OR4N2: variants seen among roughly 807,000 people sequenced by gnomAD.
OR4N2 encodes the protein olfactory receptor family 4 subfamily N member 2, also known as olfactory receptor 4N2.
For missense variants in OR4N2, 307 were observed against 377.6 expected (o/e 0.81, Z 1.55); for synonymous variants, 141 against 140.4 (o/e 1.00, Z -0.03).
At chr14:19,821,366 G>C (rs1430094852) in intron 1 of OR4N2, among the ~76,000 whole-genome samples, 8 of 152,182 alleles carry the variant, frequency 5.3e-5, no homozygotes, top group Non-Finnish European at 1.0e-4. Context: ...TTGCAGACCA[G>C]AGTTGCTCTT....
intron 1 of OR4N2, among the ~76,000 whole-genome samples, chr14:19,814,701 T>C (rs1345759981): frequency 1.3e-5 from 2 of 152,240 alleles, no homozygotes; most frequent in Non-Finnish European, 2.9e-5. Context: ...CTTTAAGTTC[T>C]GGGATACATG....
intron 1 of OR4N2, among the ~76,000 whole-genome samples, chr14:19,827,023 A>T (rs1359929426): frequency 6.6e-6 from 1 of 152,258 alleles, no homozygotes; most frequent in African/African-American, 2.4e-5. Context: ...GTGGACAAGG[A>T]GAAAAAGGGT....
intron 1 of OR4N2, among the ~76,000 whole-genome samples, chr14:19,818,883 C>T (rs1879493107): frequency 6.6e-6 from 1 of 152,216 alleles, no homozygotes; most frequent in Admixed American, 6.5e-5. Flanking sequence ...CTGGTGGTGA[C>T]AAAAATCTGT....
chr14:19,828,165 G>A lies in OR4N2; in HGVS notation c.717G>A (p.Thr239=), dbSNP rs578073203. 9.1e-5 allele frequency: 147 copies of A among 1,614,166 alleles called. No homozygotes were observed. The Middle Eastern group carries it at 2.6e-3, about 29-fold the overall frequency. ...AGGCAAAAAACAAGGCCATGTCCAC[G>A]TGCATCACCCATATCATTGTTATAT... The part of the protein sequence containing the change: ...SSEAKNKAMS[T]CITHIIVIFF... Residue 239 remains threonine, a synonymous_variant, in exon 2 of 2, where the codon ACG becomes ACA. Coordinates refer to ENST00000557677, the MANE Select transcript of OR4N2 (RefSeq NM_001004723.3).
intron 1 of OR4N2, chr14:19,822,416 A>T (rs1484990551): frequency 6.6e-6 from 1 of 152,264 alleles, no homozygotes; most frequent in Non-Finnish European, 1.5e-5. Context: ...TTTGCAGAAG[A>T]TAAGTCCTTG....
chr14:19,821,165 T>C (rs1879555940), intron 1 of OR4N2, among the ~76,000 whole-genome samples: 1 of 152,374 alleles, frequency 6.6e-6, no homozygotes, highest in Admixed American at 6.5e-5. Context: ...CTCTCACGGC[T>C]TCCCTTGGCT....
At chr14:19,809,768 T>C (rs998286355) in intron 1 of OR4N2, among the ~76,000 whole-genome samples, 1 of 152,218 alleles carries the variant, frequency 6.6e-6, no homozygotes, top group Non-Finnish European at 1.5e-5. Context: ...TTCTATTCAA[T>C]AAATGGTGCT....
chr14:19,824,876 A>G (rs72663745), intron 1 of OR4N2, among the ~76,000 whole-genome samples: 41,954 of 148,786 alleles, frequency 0.28, 2,952 homozygotes, highest in African/African-American at 0.32. Context: ...CAGATCAACA[A>G]TAATCATTAG....
At chr14:19,814,864 C>T (rs558353356) in intron 1 of OR4N2, among the ~76,000 whole-genome samples, 38 of 152,252 alleles carry the variant, frequency 2.5e-4, no homozygotes, top group African/African-American at 6.5e-4. Context: ...ATATTCCCCT[C>T]GCTGTTTCCC....
intron 1 of OR4N2, among the ~76,000 whole-genome samples, chr14:19,822,712 TC>T (rs1283574532): frequency 2.0e-5 from 3 of 152,252 alleles, no homozygotes; most frequent in African/African-American, 7.2e-5. Flanking sequence ...ACTTTTAACA[TC>T]TAAATATTTT....
At chr14:19,826,538 A>C (rs1879704851) in intron 1 of OR4N2, among the ~76,000 whole-genome samples, 2 of 152,262 alleles carry the variant, frequency 1.3e-5, no homozygotes, top group Admixed American at 1.3e-4. Context: ...ATAACACTAC[A>C]GTATCTTTAT....
At chr14:19,808,791 C>T (rs1879226908) in intron 1 of OR4N2, among the ~76,000 whole-genome samples, 1 of 151,124 alleles carries the variant, frequency 6.6e-6, no homozygotes, top group African/African-American at 2.4e-5. Context: ...ACCACATGAA[C>T]ATATGCACCT....
intron 1 of OR4N2, among the ~76,000 whole-genome samples, chr14:19,824,339 AG>A (rs1472637560): frequency 6.6e-6 from 1 of 152,254 alleles, no homozygotes; most frequent in Admixed American, 6.5e-5. Context: ...CAAGAAGTCA[AG>A]TAGTACAGAA....
chr14:19,821,596 A>G (rs868197997), intron 1 of OR4N2, among the ~76,000 whole-genome samples: 1 of 152,198 alleles, frequency 6.6e-6, no homozygotes, highest in Non-Finnish European at 1.5e-5. Context: ...TCAAACTTCT[A>G]TTTATTTCTG....
chr14:19,819,962 G>C (rs578210234), intron 1 of OR4N2, among the ~76,000 whole-genome samples: 72 of 152,364 alleles, frequency 4.7e-4, no homozygotes, highest in African/African-American at 1.7e-3. Flanking sequence ...AGGTCTGCTG[G>C]AGTTTGCTGG....
intron 1 of OR4N2, among the ~76,000 whole-genome samples, chr14:19,806,027 A>G (rs1245567253): frequency 6.6e-6 from 1 of 152,168 alleles, no homozygotes; most frequent in Non-Finnish European, 1.5e-5. Flanking sequence ...ATAAAATGCC[A>G]AGGTAATACA....
At position 19,828,176 on chromosome 14, in the gene OR4N2, A is replaced by G. The variant is rs1369864183; in HGVS notation, c.728A>G (p.His243Arg). The G allele has an allele frequency of 7.4e-6, 12 of 1,614,236 alleles. No individual in the cohort carries two copies. Among genetic ancestry groups the G allele is most frequent in the African/African-American group, 2.7e-5 (2 of 75,072 alleles). Residue 243 changes from histidine to arginine, a missense_variant, in exon 2 of 2, where the codon CAT becomes CGT. Physicochemically the swap from His to Arg is conservative, Grantham distance 29. Transcript: ENST00000557677. ...KNKAMSTCIT[H>R]IIVIFFMFGP... is the part of the protein sequence containing the mutation. ...AAGGCCATGTCCACGTGCATCACCC[A>G]TATCATTGTTATATTCTTCATGTTT...
intron 1 of OR4N2, among the ~76,000 whole-genome samples, chr14:19,811,122 T>C (rs1861598623): frequency 6.6e-6 from 1 of 152,252 alleles, no homozygotes; most frequent in Non-Finnish European, 1.5e-5. Context: ...AAGGATACCA[T>C]TTCCCAACTT....
intron 1 of OR4N2, among the ~76,000 whole-genome samples, chr14:19,809,170 CTT>C (rs1212298400): frequency 6.6e-6 from 1 of 151,920 alleles, no homozygotes; most frequent in Non-Finnish European, 1.5e-5. Context: ...AAAAATGAAA[CTT>C]GACCCTTATT....
Sources: allele counts gnomAD v4.1 joint callset (sites outside exome capture counted in the v4.1 genomes callset), GRCh38; gene constraint gnomAD v4.1.1; transcripts MANE v1.5; gene names NCBI Gene and HGNC (gene_info 2026-07-23, HGNC 2026-07-21).